The following CORIN variants were observed in gnomAD, a reference collection of about 807,000 sequenced individuals.
CORIN encodes atrial natriuretic peptide-converting enzyme.
In CORIN, 117 loss-of-function variants were observed where a neutral mutation model predicts 125.3. The observed-to-expected ratio is 0.93, with a 90% CI of 0.80 to 1.09. The LOEUF is 1.09. Ranked by LOEUF, CORIN falls within the 50% of genes least tolerant of loss-of-function variation. The pLI, the probability that CORIN is intolerant of heterozygous loss-of-function variation, is 0.00. For synonymous variants in CORIN, 450 were observed against 466.4 expected (o/e 0.96, Z 0.45); for missense variants, 1,253 against 1,306.7 (o/e 0.96, Z 0.63).
chr4:47,631,427 C>T (rs562338678), intron 16 of CORIN, among the ~76,000 whole-genome samples: 6 of 152,028 alleles, frequency 3.9e-5, no homozygotes, highest in Non-Finnish European at 7.4e-5. Context: ...TTGTGAACTG[C>T]GCATGCAAGG....
intron 1 of CORIN, among the ~76,000 whole-genome samples, chr4:47,829,157 CAAAAAAA>C (rs35771383): frequency 6.2e-5 from 4 of 64,282 alleles, no homozygotes; most frequent in Non-Finnish European, 7.6e-5. Flanking sequence ...GACTCCGTCT[CAAAAAAA>C]AAAAAAAAAA....
chr4:47,719,994 G>A (rs1023958705), intron 5 of CORIN, among the ~76,000 whole-genome samples: 9 of 152,142 alleles, frequency 5.9e-5, no homozygotes, highest in African/African-American at 1.9e-4. Flanking sequence ...TAGTAGTATA[G>A]GGGTCTAAAG....
At chr4:47,765,013 A>C (rs1268176098) in intron 3 of CORIN, among the ~76,000 whole-genome samples, 1 of 152,104 alleles carries the variant, frequency 6.6e-6, no homozygotes, top group Non-Finnish European at 1.5e-5. Flanking sequence ...AAAATGCAAG[A>C]TAGAAAACAT....
intron 5 of CORIN, among the ~76,000 whole-genome samples, chr4:47,700,108 T>C (rs985804180): frequency 6.6e-6 from 1 of 152,224 alleles, no homozygotes; most frequent in African/African-American, 2.4e-5. Context: ...AAATGGGCTT[T>C]TGTTGTCAAA....
rs768575384 is a variant in CORIN at position 47,653,644 on chromosome 4, A to G, written c.1752T>C (p.His584=). The part of the protein sequence containing the change: ...DEYVEECSPS[H]FKCRSGQCVL... ...CACACTGTCCTGAGCGGCACTTGAA[A>G]TGACTAGGTGAGCATTCTATTAAAA... Residue 584 remains histidine, a synonymous_variant, in exon 13 of 22, where the codon CAT becomes CAC. Coordinates refer to ENST00000273857, the MANE Select transcript of CORIN (RefSeq NM_006587.4). 29 of 1,614,036 alleles carry G rather than the reference A, an allele frequency of 1.8e-5. No individual in the cohort carries two copies. Among genetic ancestry groups the G allele is most frequent in the Non-Finnish European group, 2.5e-5 (29 of 1,179,922 alleles).
At chr4:47,636,422 GT>G (rs1177311062) in intron 16 of CORIN, among the ~76,000 whole-genome samples, 1 of 152,114 alleles carries the variant, frequency 6.6e-6, no homozygotes, top group Non-Finnish European at 1.5e-5. Flanking sequence ...ATGTCCATAG[GT>G]TTTTTGATAC....
At chr4:47,645,981 C>T (rs956684548) in intron 13 of CORIN, among the ~76,000 whole-genome samples, 5 of 147,678 alleles carry the variant, frequency 3.4e-5, no homozygotes, top group African/African-American at 1.0e-4. Flanking sequence ...CCAAGTCTCA[C>T]TCTGTCGCCC....
rs1259176321 is a variant in CORIN at position 47,811,382 on chromosome 4, AAGG to A, written c.64-4338_64-4336del. 2.0e-5 allele frequency among the ~76,000 whole-genome samples: 3 copies of A among 152,288 alleles called. No homozygotes were observed. The East Asian group carries it at 5.8e-4, about 29-fold the overall frequency. On this transcript the variant is annotated intron_variant, in intron 1 of 21. Coordinates refer to ENST00000273857, the MANE Select transcript of CORIN (RefSeq NM_006587.4). ...CCATTTTATCAAGTTTGCAAAGGTC[AAGG>A]AGATTATAGTTGACATTTCAAGTAC...
In CORIN at chr4:47,678,005, G is replaced by A; in HGVS notation, c.1182C>T (p.Pro394=). The change falls in exon 9 of 22, where the codon CCC becomes CCT. Residue 394 remains proline (P), a synonymous_variant. Coordinates refer to ENST00000273857, the MANE Select transcript of CORIN (RefSeq NM_006587.4). ...LVECRNGQCI[P]STFQCDGDED... ...CGTCACCATCACATTGAAACGTGCT[G>A]GGGATACATTGTCCATTTCTGCATT... The A allele has an allele frequency of 6.2e-7, 1 of 1,614,034 alleles. No homozygotes were observed. The highest frequency in any genetic ancestry group is 8.5e-7 in the Non-Finnish European group (1 of 1,179,942).
chr4:47,595,457 A>C lies in CORIN; in HGVS notation c.*264T>G. The C allele has an allele frequency of 4.1e-6, 1 of 245,918 alleles. No homozygotes were observed. Among genetic ancestry groups the C allele is most frequent in the Non-Finnish European group, 7.8e-6 (1 of 128,660 alleles). The allele number at this position is 245,918 out of a possible 1,614,324, so 15.2% of individuals were successfully genotyped here. A position where few individuals can be genotyped will look rare whatever the true frequency, so the allele number is the denominator to read the frequency against. On this transcript the variant is annotated 3_prime_UTR_variant, in exon 22 of 22. Coordinates refer to ENST00000273857, the MANE Select transcript of CORIN (RefSeq NM_006587.4). ...GAGTCGATAATTTTGTGCTGCAGTC[A>C]TGGTTAGGCCTGGCAAAAGGACAAA... is the stretch of plus-strand genomic sequence containing the variant.
At chr4:47,817,742 A>G (rs1732337687) in intron 1 of CORIN, among the ~76,000 whole-genome samples, 3 of 152,210 alleles carry the variant, frequency 2.0e-5, no homozygotes, top group African/African-American at 7.2e-5. Flanking sequence ...ATTCAGGGCC[A>G]TGGAAAGAAA....
In CORIN at chr4:47,594,687, TTTAA is replaced by T. The variant is rs1300209698; in HGVS notation, c.*1030_*1033del. 3.9e-5 allele frequency: 6 copies of T among 152,160 alleles called. No individual in the cohort carries two copies. The highest frequency in any genetic ancestry group is 1.4e-4 in the African/African-American group (6 of 41,442). 9.4% of individuals were successfully genotyped at this position (152,160 alleles called of 1,614,324 possible). ...GAACGCAAGAAAACTGAAAAATAAA[TTTAA>T]TTAAACGAGGGATGCAAATTAATTT... On this transcript the variant is annotated 3_prime_UTR_variant, in exon 22 of 22. Transcript: ENST00000273857.
At chr4:47,653,941 A>G (rs1196658301) in intron 12 of CORIN, among the ~76,000 whole-genome samples, 1 of 152,234 alleles carries the variant, frequency 6.6e-6, no homozygotes, top group Non-Finnish European at 1.5e-5. Flanking sequence ...CCAGAGCCTG[A>G]TATGCCTTGT....
intron 5 of CORIN, among the ~76,000 whole-genome samples, chr4:47,736,289 AAAAG>A (rs1486219690): frequency 6.6e-6 from 1 of 152,184 alleles, no homozygotes; most frequent in East Asian, 1.9e-4. Flanking sequence ...CAACGTGTGA[AAAAG>A]AAAACAAACT....
At chr4:47,731,224 T>G (rs1203621410) in intron 5 of CORIN, among the ~76,000 whole-genome samples, 1 of 152,246 alleles carries the variant, frequency 6.6e-6, no homozygotes, top group Non-Finnish European at 1.5e-5. Context: ...GTTTTGTATC[T>G]GTTTCGTTTG....
At chr4:47,613,642 G>C (rs1033255779) in intron 19 of CORIN, among the ~76,000 whole-genome samples, 6 of 151,416 alleles carry the variant, frequency 4.0e-5, no homozygotes, top group Non-Finnish European at 7.4e-5. Flanking sequence ...AAAATGATGA[G>C]TTCATGTCCT....
chr4:47,626,992 TG>T (rs149105051), intron 16 of CORIN, among the ~76,000 whole-genome samples: 17,285 of 136,246 alleles, frequency 0.13, 1,350 homozygotes, highest in East Asian at 0.45. Flanking sequence ...TTGTTGTTGT[TG>T]TTTTTTTTTT....
At chr4:47,836,365 G>A (rs1733410375) in intron 1 of CORIN, among the ~76,000 whole-genome samples, 1 of 152,080 alleles carries the variant, frequency 6.6e-6, no homozygotes, top group African/African-American at 2.4e-5. Flanking sequence ...TCTTCTCATT[G>A]TCTCAGGGTT....
intron 5 of CORIN, among the ~76,000 whole-genome samples, chr4:47,695,969 T>G (rs1725977642): frequency 6.6e-6 from 1 of 152,110 alleles, no homozygotes; most frequent in Non-Finnish European, 1.5e-5. Context: ...CCACACCCAC[T>G]CCCCTGTTCC....
Sources: gnomAD v4.1 joint callset for allele counts (sites outside exome capture counted in the v4.1 genomes callset) on GRCh38, gnomAD v4.1.1 for gene constraint, MANE v1.5 for transcripts, NCBI Gene and HGNC (gene_info 2026-07-23, HGNC 2026-07-21) for gene names.